Variants in ARHGAP15 observed in about 807,000 individuals in gnomAD.
The protein encoded by ARHGAP15 is rho GTPase-activating protein 15.
Under a neutral mutation model 63.7 loss-of-function variants are expected in ARHGAP15, and 51 were observed. The ratio of observed to expected loss-of-function variants is 0.80; its 90% CI spans 0.64 to 1.01. The LOEUF (loss-of-function observed/expected upper bound fraction) is 1.01, where lower values mean the gene tolerates loss of function less well. Among genes scored for constraint, ARHGAP15 ranks in the 50% least tolerant of loss-of-function variants. The pLI is 0.00. For missense variants in ARHGAP15, 560 were observed against 564.6 expected, an observed-to-expected ratio of 0.99 and a Z score of 0.08; for synonymous variants, 191 against 193.8, an observed-to-expected ratio of 0.99 and a Z score of 0.12.
chr2:143,369,774 C>A (rs756691893), intron 6 of ARHGAP15, among the ~76,000 whole-genome samples: 1 of 152,110 alleles, frequency 6.6e-6, no homozygotes, highest in Non-Finnish European at 1.5e-5. Context: ...TTATGTAATA[C>A]AACAACTTTT....
chr2:143,425,499 AACATATT>A (rs1489176099), intron 6 of ARHGAP15, among the ~76,000 whole-genome samples: 3 of 152,012 alleles, frequency 2.0e-5, no homozygotes, highest in African/African-American at 7.2e-5. Context: ...TATATATATG[AACATATT>A]ACATGTACAT....
At chr2:143,447,163 G>C (rs1690181878) in intron 8 of ARHGAP15, among the ~76,000 whole-genome samples, 1 of 151,990 alleles carries the variant, frequency 6.6e-6, no homozygotes, top group East Asian at 1.9e-4. Context: ...TGGGTAAAAT[G>C]GTATTTCTAG....
chr2:143,297,991 T>G lies in ARHGAP15; in HGVS notation c.474+47391T>G, dbSNP rs145773628. On this transcript the variant is annotated intron_variant, in intron 6 of 13. Transcript: ENST00000295095. ...AGCTCGGCCCATTCCTCTACATTCC[T>G]ATGTCATTTTGTAGACTTATCATTT... 2.6e-3 allele frequency among the ~76,000 whole-genome samples: 394 copies of G among 152,152 alleles called. 2 individuals carry two copies. The highest frequency in any genetic ancestry group is 9.3e-3 in the African/African-American group (385 of 41,536).
chr2:143,347,034 T>C (rs1446983622), intron 6 of ARHGAP15, among the ~76,000 whole-genome samples: 2 of 152,048 alleles, frequency 1.3e-5, no homozygotes, highest in African/African-American at 4.8e-5. Flanking sequence ...GTCTTTTTGG[T>C]CTCTTTCTTT....
intron 11 of ARHGAP15, chr2:143,607,557 GAGAGAGAGAGAGAGAGAC>G (rs1304712231): frequency 6.6e-6 from 1 of 151,568 alleles, no homozygotes; most frequent in African/African-American, 2.4e-5. Flanking sequence ...ACGAGAGAGA[GAGAGAGAGAGAGAGAGAC>G]AGAGAGAGAG....
intron 11 of ARHGAP15, among the ~76,000 whole-genome samples, chr2:143,613,478 T>C (rs1442104536): frequency 3.3e-5 from 5 of 152,194 alleles, no homozygotes; most frequent in Non-Finnish European, 7.3e-5. Flanking sequence ...TAATTCCCTT[T>C]TGTAGCATCC....
At chr2:143,665,764 T>C (rs1239235700) in intron 12 of ARHGAP15, among the ~76,000 whole-genome samples, 1 of 151,814 alleles carries the variant, frequency 6.6e-6, no homozygotes, top group Non-Finnish European at 1.5e-5. Flanking sequence ...GGCATTCTTA[T>C]ACACCAATAA....
At chr2:143,740,520 C>T (rs1685921233) in intron 13 of ARHGAP15, among the ~76,000 whole-genome samples, 1 of 152,192 alleles carries the variant, frequency 6.6e-6, no homozygotes, top group South Asian at 2.1e-4. Context: ...AGTGTAAAAA[C>T]TCATAAAAGA....
At chr2:143,718,184 G>A (rs1191504794) in intron 13 of ARHGAP15, among the ~76,000 whole-genome samples, 1 of 152,160 alleles carries the variant, frequency 6.6e-6, no homozygotes, top group African/African-American at 2.4e-5. Context: ...AGAAAAGGCT[G>A]AAGTTGAGCA....
At chr2:143,242,698 T>C (rs1017584917) in intron 5 of ARHGAP15, among the ~76,000 whole-genome samples, 1 of 152,194 alleles carries the variant, frequency 6.6e-6, no homozygotes, top group Non-Finnish European at 1.5e-5. Flanking sequence ...TTTATATTCA[T>C]ATACATAAAA....
chr2:143,463,411 G>A (rs920727118), intron 8 of ARHGAP15, among the ~76,000 whole-genome samples: 2 of 151,858 alleles, frequency 1.3e-5, no homozygotes, highest in Non-Finnish European at 2.9e-5. Flanking sequence ...GTGTAGTGGC[G>A]GGCACCTGTA....
intron 6 of ARHGAP15, among the ~76,000 whole-genome samples, chr2:143,387,382 C>T (rs1486654362): frequency 6.6e-6 from 1 of 152,134 alleles, no homozygotes; most frequent in Non-Finnish European, 1.5e-5. Context: ...ATCTCCTTCA[C>T]ATTTGTCATT....
intron 9 of ARHGAP15, among the ~76,000 whole-genome samples, chr2:143,516,505 T>C (rs1191773186): frequency 7.1e-6 from 1 of 141,106 alleles, no homozygotes; most frequent in Non-Finnish European, 1.5e-5. Context: ...TGCTATATTC[T>C]TTTTTTTGTA....
At chr2:143,364,386 T>C (rs1403974892) in intron 6 of ARHGAP15, among the ~76,000 whole-genome samples, 2 of 152,184 alleles carry the variant, frequency 1.3e-5, no homozygotes, top group Admixed American at 6.5e-5. Context: ...TTAGGATTCA[T>C]TTAGGAGTGG....
intron 6 of ARHGAP15, among the ~76,000 whole-genome samples, chr2:143,318,537 G>GTTA: frequency 1.6e-5 from 1 of 64,016 alleles, no homozygotes; most frequent in Non-Finnish European, 2.8e-5. Context: ...TTTTTTTTTC[G>GTTA]AACAGTCAAT....
At chr2:143,166,061 G>A (rs912823212) in intron 2 of ARHGAP15, among the ~76,000 whole-genome samples, 30 of 140,562 alleles carry the variant, frequency 2.1e-4, no homozygotes, top group East Asian at 4.0e-4. Flanking sequence ...AAGAAAGAAA[G>A]AAAAAAAATA....
At chr2:143,285,595 G>A (rs534637178) in intron 6 of ARHGAP15, among the ~76,000 whole-genome samples, 3 of 152,202 alleles carry the variant, frequency 2.0e-5, no homozygotes, top group South Asian at 2.1e-4. Context: ...TGATCTGCAC[G>A]CATTCATTTC....
intron 10 of ARHGAP15, among the ~76,000 whole-genome samples, chr2:143,538,889 T>C (rs1221368251): frequency 2.6e-5 from 4 of 152,296 alleles, no homozygotes; most frequent in East Asian, 1.9e-4. Context: ...ACGATGCTGG[T>C]CTCATAAAAT....
intron 6 of ARHGAP15, among the ~76,000 whole-genome samples, chr2:143,300,873 T>C (rs1421764002): frequency 1.3e-5 from 2 of 151,966 alleles, no homozygotes; most frequent in East Asian, 1.9e-4. Context: ...ACAGGACCTG[T>C]CTCTCAGAGG....
Sources: gnomAD v4.1 joint callset for allele counts (sites outside exome capture counted in the v4.1 genomes callset) on GRCh38, gnomAD v4.1.1 for gene constraint, MANE v1.5 for transcripts, NCBI Gene and HGNC (gene_info 2026-07-23, HGNC 2026-07-21) for gene names.